The following TMEM177 variants were observed in gnomAD, a reference collection of about 807,000 sequenced individuals.
The protein encoded by TMEM177 is transmembrane protein 177.
A neutral mutation model predicts 14.2 loss-of-function variants in TMEM177; 4 were observed. The observed-to-expected ratio is 0.28, with a 90% CI of 0.14 to 0.64. The LOEUF (loss-of-function observed/expected upper bound fraction) is 0.64, where lower values mean the gene tolerates loss of function less well. TMEM177 is among the 30% of genes least tolerant of loss of function. The pLI is 0.82. For synonymous variants in TMEM177, 179 were observed against 174.5 expected (o/e 1.03, Z -0.20); for missense variants, 344 against 405.2 (o/e 0.85, Z 1.30).
chr2:119,694,532 C>T, the TMEM177 span, among the ~76,000 whole-genome samples: 1 of 152,384 alleles, frequency 6.6e-6, no homozygotes, highest in South Asian at 2.1e-4. Context: ...CAGGAGCGGG[C>T]TCTGCCCTGG....
At chr2:119,716,678 C>T in the TMEM177 span, among the ~76,000 whole-genome samples, 11 of 152,298 alleles carry the variant, frequency 7.2e-5, no homozygotes, top group Admixed American at 2.6e-4. Context: ...ATTCAAGAGT[C>T]TCAGGCAATT....
chr2:119,694,729 C>T, the TMEM177 span, among the ~76,000 whole-genome samples: 2 of 152,244 alleles, frequency 1.3e-5, no homozygotes, highest in African/African-American at 2.4e-5. Context: ...GATGGGGCCC[C>T]AGACCTTGGG....
chr2:119,686,090 G>A (rs1030845274), downstream of TMEM177: 27 of 177,028 alleles, frequency 1.5e-4, 1 homozygote, highest in Admixed American at 1.2e-3. Flanking sequence ...GCAGCCAGCT[G>A]TGGGTTCAAA....
At chr2:119,708,230 C>T in the TMEM177 span, among the ~76,000 whole-genome samples, 2 of 152,172 alleles carry the variant, frequency 1.3e-5, no homozygotes, top group Non-Finnish European at 2.9e-5. Flanking sequence ...ACAAACCATA[C>T]AAGAAATACC....
the TMEM177 span, among the ~76,000 whole-genome samples, chr2:119,702,147 GT>G: frequency 2.0e-5 from 3 of 152,224 alleles, no homozygotes; most frequent in Non-Finnish European, 2.9e-5. Flanking sequence ...AACTGATTTT[GT>G]TTCATAGCCA....
the TMEM177 span, among the ~76,000 whole-genome samples, chr2:119,715,938 T>C: frequency 6.6e-6 from 1 of 152,058 alleles, no homozygotes; most frequent in Admixed American, 6.5e-5. Flanking sequence ...AACCCACAAG[T>C]GCAGTGACCC....
the TMEM177 span, among the ~76,000 whole-genome samples, chr2:119,707,026 C>G: frequency 6.6e-6 from 1 of 151,996 alleles, no homozygotes; most frequent in East Asian, 1.9e-4. Context: ...ATTCTCCTGC[C>G]TCAGCCTCCC....
chr2:119,722,844 G>T, the TMEM177 span, among the ~76,000 whole-genome samples: 508 of 152,334 alleles, frequency 3.3e-3, 7 homozygotes, highest in African/African-American at 0.011. Context: ...TAAGGCAAGA[G>T]AACATCCCTC....
rs772371840 is a variant in TMEM177, at chr2:119,680,814, C to G, written c.-22-18C>G. 1 of 1,582,586 alleles carries G rather than the reference C, an allele frequency of 6.3e-7. No homozygotes were observed. The highest frequency in any genetic ancestry group is 8.6e-7 in the Non-Finnish European group (1 of 1,161,190). ...CTGACCCAGGGAAACTGGCTGACTT[C>G]TCTTTTTCTTGGCCCAGATTGTCCG... On this transcript the variant is annotated intron_variant, in intron 1 of 1. Coordinates refer to ENST00000272521, the MANE Select transcript of TMEM177 (RefSeq NM_030577.3).
At chr2:119,708,661 A>ACG in the TMEM177 span, among the ~76,000 whole-genome samples, 1 of 151,056 alleles carries the variant, frequency 6.6e-6, no homozygotes, top group African/African-American at 2.5e-5. Flanking sequence ...ACACACACAC[A>ACG]CACACACACA....
the TMEM177 span, among the ~76,000 whole-genome samples, chr2:119,693,140 G>A: frequency 6.6e-6 from 1 of 152,198 alleles, no homozygotes; most frequent in African/African-American, 2.4e-5. Context: ...TGTCCAGGTT[G>A]TGTCCACAGT....
At chr2:119,719,873 A>G in the TMEM177 span, among the ~76,000 whole-genome samples, 6 of 152,174 alleles carry the variant, frequency 3.9e-5, no homozygotes, top group African/African-American at 1.4e-4. Flanking sequence ...AGCTCACTGC[A>G]GATTCGAACT....
At chr2:119,685,694 C>T (rs1417063906), downstream of TMEM177, 7 of 717,904 alleles carry the variant, frequency 9.8e-6, no homozygotes, top group Non-Finnish European at 1.8e-5. Context: ...GAAATTTGCC[C>T]TAAATCATAA....
chr2:119,694,970 G>C, the TMEM177 span, among the ~76,000 whole-genome samples: 2 of 152,300 alleles, frequency 1.3e-5, no homozygotes, highest in South Asian at 4.1e-4. Context: ...CGTGTGGAGT[G>C]GCTCATTAAG....
At chr2:119,704,920 C>T in the TMEM177 span, among the ~76,000 whole-genome samples, 1 of 152,166 alleles carries the variant, frequency 6.6e-6, no homozygotes, top group Admixed American at 6.5e-5. Context: ...CCTGTGGGAA[C>T]TCAGTATAAT....
At chr2:119,719,046 C>T in the TMEM177 span, among the ~76,000 whole-genome samples, 2 of 152,064 alleles carry the variant, frequency 1.3e-5, no homozygotes, top group African/African-American at 2.4e-5. Context: ...GCTGCTGGGC[C>T]GTGGACCACA....
the TMEM177 span, among the ~76,000 whole-genome samples, chr2:119,702,186 T>A: frequency 1.3e-5 from 2 of 152,340 alleles, no homozygotes; most frequent in South Asian, 4.1e-4. Context: ...CTTCCCAAAG[T>A]TAGTTTGGCC....
the TMEM177 span, among the ~76,000 whole-genome samples, chr2:119,706,302 A>C: frequency 6.6e-6 from 1 of 152,124 alleles, no homozygotes; most frequent in Non-Finnish European, 1.5e-5. Flanking sequence ...CTGGGATTAC[A>C]GGCGTGAGCC....
the TMEM177 span, among the ~76,000 whole-genome samples, chr2:119,708,421 G>C: frequency 6.6e-6 from 1 of 152,020 alleles, no homozygotes; most frequent in East Asian, 1.9e-4. Context: ...GTTCACACCC[G>C]TGTTCACAAA....
Sources: allele counts gnomAD v4.1 joint callset (sites outside exome capture counted in the v4.1 genomes callset), GRCh38; gene constraint gnomAD v4.1.1; transcripts MANE v1.5; gene names NCBI Gene and HGNC (gene_info 2026-07-23, HGNC 2026-07-21).